The following PCDH11Y variants were observed in gnomAD, a reference collection of about 807,000 sequenced individuals.
PCDH11Y encodes protocadherin 11 Y-linked.
For missense variants in PCDH11Y, 12 were observed against 224.8 expected (o/e 0.05, Z 6.05); for synonymous variants, 9 against 83.6 (o/e 0.11, Z 4.87).
At chrY:5,148,742 GCAAAATCATC>G (rs1247200574) in intron 2 of PCDH11Y, among the ~76,000 whole-genome samples, 2 of 32,423 alleles carry the variant, frequency 6.2e-5, no homozygotes, top group Non-Finnish European at 1.5e-4. Context: ...CCATAGTTCA[GCAAAATCATC>G]CAATACAAAG....
At chrY:5,202,898 T>TCTC (rs2052928348) in intron 2 of PCDH11Y, among the ~76,000 whole-genome samples, 1 of 32,044 alleles carries the variant, frequency 3.1e-5, no homozygotes, top group African/African-American at 1.2e-4. Context: ...GTTTCCTGAG[T>TCTC]CTCCGGGGAG....
At chrY:5,578,012 G>T in intron 3 of PCDH11Y, among the ~76,000 whole-genome samples, 2 of 33,115 alleles carry the variant, frequency 6.0e-5, no homozygotes, top group Non-Finnish European at 1.5e-4. Flanking sequence ...CTGTGGAACA[G>T]TGAGTCAACT....
intron 1 of PCDH11Y, among the ~76,000 whole-genome samples, chrY:5,017,741 A>G: frequency 6.0e-5 from 2 of 33,082 alleles, no homozygotes; most frequent in African/African-American, 1.2e-4. Flanking sequence ...ATTTATCCTT[A>G]GTTATCTATA....
intron 3 of PCDH11Y, among the ~76,000 whole-genome samples, chrY:5,576,689 A>G: frequency 3.0e-5 from 1 of 33,367 alleles, no homozygotes; most frequent in Non-Finnish European, 7.5e-5. Flanking sequence ...ATTTTTCAAT[A>G]GGCATTATCA....
intron 2 of PCDH11Y, among the ~76,000 whole-genome samples, chrY:5,283,097 G>A (rs2053056086): frequency 6.0e-5 from 2 of 33,243 alleles, no homozygotes; most frequent in Non-Finnish European, 1.5e-4. Flanking sequence ...ATGTAAAATC[G>A]TATCTGCTTG....
intron 2 of PCDH11Y, among the ~76,000 whole-genome samples, chrY:5,249,543 A>G: frequency 3.0e-5 from 1 of 32,988 alleles, no homozygotes; most frequent in African/African-American, 1.2e-4. Context: ...TATGCAGAAA[A>G]GTCTTGATTA....
chrY:5,208,005 T>C, intron 2 of PCDH11Y: 1 of 202,224 alleles, frequency 4.9e-6, no homozygotes, highest in African/African-American at 8.3e-5. Flanking sequence ...GCCAAATCCA[T>C]AGCCCTTAGT....
intron 4 of PCDH11Y, among the ~76,000 whole-genome samples, chrY:5,734,127 G>T: frequency 3.0e-5 from 1 of 32,959 alleles, no homozygotes. Context: ...CTGTCTGCAT[G>T]TGTTGTGATG....
chrY:5,475,924 G>A, intron 2 of PCDH11Y, among the ~76,000 whole-genome samples: 1 of 32,522 alleles, frequency 3.1e-5, no homozygotes, highest in Non-Finnish European at 7.5e-5. Flanking sequence ...CATAGAAAAG[G>A]TAGAGTAAAA....
At chrY:5,696,901 T>C (rs2053572901) in intron 4 of PCDH11Y, among the ~76,000 whole-genome samples, 1 of 32,290 alleles carries the variant, frequency 3.1e-5, no homozygotes, top group Non-Finnish European at 7.6e-5. Flanking sequence ...TCAATTTCCA[T>C]GTAGTTGTAT....
At chrY:5,151,868 A>C (rs2124643587) in intron 2 of PCDH11Y, among the ~76,000 whole-genome samples, 2 of 29,818 alleles carry the variant, frequency 6.7e-5, no homozygotes, top group South Asian at 1.5e-3. Flanking sequence ...TGTATAGAGA[A>C]GATGCTAAAA....
intron 2 of PCDH11Y, among the ~76,000 whole-genome samples, chrY:5,220,455 T>C: frequency 5.5e-5 from 1 of 18,184 alleles, no homozygotes; most frequent in Non-Finnish European, 1.2e-4. Context: ...AGTCTCACTC[T>C]GTCGCCCAGG....
chrY:5,283,433 ATTG>A (rs2053056563), intron 2 of PCDH11Y, among the ~76,000 whole-genome samples: 1 of 30,878 alleles, frequency 3.2e-5, no homozygotes, highest in Admixed American at 3.1e-4. Context: ...ATTCTCAGAA[ATTG>A]TGGTGGGAAA....
intron 2 of PCDH11Y, among the ~76,000 whole-genome samples, chrY:5,460,867 C>T: frequency 6.0e-5 from 2 of 33,200 alleles, no homozygotes; most frequent in African/African-American, 2.3e-4. Flanking sequence ...CTAGTCCATC[C>T]TCATGGTGGC....
chrY:5,641,630 A>G (rs2053523069), intron 4 of PCDH11Y, among the ~76,000 whole-genome samples: 2 of 32,682 alleles, frequency 6.1e-5, no homozygotes, highest in Non-Finnish European at 1.5e-4. Flanking sequence ...AGCAATTATA[A>G]TAGTGACATC....
chrY:5,085,632 C>T, intron 1 of PCDH11Y, among the ~76,000 whole-genome samples: 1 of 31,578 alleles, frequency 3.2e-5, no homozygotes, highest in African/African-American at 1.2e-4. Context: ...TTTATTTCTC[C>T]TTCATGTTTG....
At chrY:5,046,837 G>A in intron 3 of PCDH11Y, among the ~76,000 whole-genome samples, 17 of 33,554 alleles carry the variant, frequency 5.1e-4, no homozygotes, top group African/African-American at 9.3e-4. Context: ...TAAGCCCGTC[G>A]GAAAAGCGCA....
At chrY:5,511,972 C>G in intron 3 of PCDH11Y, among the ~76,000 whole-genome samples, 1 of 32,517 alleles carries the variant, frequency 3.1e-5, no homozygotes, top group Non-Finnish European at 7.5e-5. Context: ...TGAAGAGAAG[C>G]ATTCTATTGG....
At chrY:5,416,276 A>G (rs2053253179) in intron 2 of PCDH11Y, among the ~76,000 whole-genome samples, 1 of 33,312 alleles carries the variant, frequency 3.0e-5, no homozygotes, top group Non-Finnish European at 7.4e-5. Context: ...TAGTAGCTTC[A>G]GCCATTCTTT....
Sources: gnomAD v4.1 joint callset for allele counts (sites outside exome capture counted in the v4.1 genomes callset) on GRCh38, gnomAD v4.1.1 for gene constraint, MANE v1.5 for transcripts, NCBI Gene and HGNC (gene_info 2026-07-23, HGNC 2026-07-21) for gene names.